COMMD1: variants seen among roughly 807,000 people sequenced by gnomAD.
COMMD1 encodes the protein copper metabolism domain containing 1, also known as COMM domain-containing protein 1.
In COMMD1, 10 loss-of-function variants were observed where a neutral mutation model predicts 17.2. That is an observed-to-expected ratio of 0.58 (90% confidence interval 0.36 to 0.99). The LOEUF is 0.99. Ranked by LOEUF, COMMD1 falls within the 50% of genes least tolerant of loss-of-function variation. The pLI, the probability that COMMD1 is intolerant of heterozygous loss-of-function variation, is 0.01. For synonymous variants in COMMD1, 97 were observed against 91.6 expected (o/e 1.06, Z -0.34); for missense variants, 270 against 231.8 (o/e 1.17, Z -1.07).
chr2:61,978,749 A>G (rs994796232), intron 1 of COMMD1, among the ~76,000 whole-genome samples: 12 of 152,108 alleles, frequency 7.9e-5, no homozygotes, highest in African/African-American at 2.9e-4. Flanking sequence ...GTTCTTCATA[A>G]GCTGTTTTTA....
At chr2:62,044,838 A>T (rs1047192125) in intron 2 of COMMD1, among the ~76,000 whole-genome samples, 9 of 100,732 alleles carry the variant, frequency 8.9e-5, no homozygotes, top group African/African-American at 1.7e-4. Flanking sequence ...CTCCTAACTT[A>T]AAAAAAAAAA....
chr2:61,895,904 T>C (rs1002371114), intron 1 of COMMD1, among the ~76,000 whole-genome samples: 1 of 151,934 alleles, frequency 6.6e-6, no homozygotes, highest in Non-Finnish European at 1.5e-5. Flanking sequence ...AGTCCACCCA[T>C]GGACCAGACA....
At chr2:61,975,299 A>G (rs1245767005) in intron 1 of COMMD1, among the ~76,000 whole-genome samples, 1 of 152,070 alleles carries the variant, frequency 6.6e-6, no homozygotes, top group Non-Finnish European at 1.5e-5. Context: ...ACTTTTGGCA[A>G]TTATGAATAA....
intron 1 of COMMD1, among the ~76,000 whole-genome samples, chr2:61,938,272 T>G (rs1670652541): frequency 7.0e-6 from 1 of 143,002 alleles, no homozygotes; most frequent in African/African-American, 2.8e-5. Flanking sequence ...GCATGCGTAT[T>G]AAGAGACCAA....
At chr2:61,936,365 C>T (rs1314249549) in intron 1 of COMMD1, among the ~76,000 whole-genome samples, 1 of 152,096 alleles carries the variant, frequency 6.6e-6, no homozygotes, top group Non-Finnish European at 1.5e-5. Flanking sequence ...GATTGTGAGC[C>T]TTCAGGGAAG....
At chr2:62,076,058 C>T (rs1671329680) in intron 2 of COMMD1, among the ~76,000 whole-genome samples, 1 of 152,220 alleles carries the variant, frequency 6.6e-6, no homozygotes. Flanking sequence ...GTCTTAGCCA[C>T]CCTGGCTGCA....
At chr2:62,110,383 T>C (rs13402593) in intron 2 of COMMD1, among the ~76,000 whole-genome samples, 37 of 152,332 alleles carry the variant, frequency 2.4e-4, no homozygotes, top group African/African-American at 8.4e-4. Context: ...GGGCAGACAC[T>C]ATTATTTAAA....
intron 1 of COMMD1, among the ~76,000 whole-genome samples, chr2:61,996,546 C>T (rs900886238): frequency 2.0e-5 from 3 of 152,148 alleles, no homozygotes; most frequent in Non-Finnish European, 4.4e-5. Flanking sequence ...ATTTTACCCA[C>T]AGTAGAACCT....
chr2:62,104,242 C>T (rs1051772179), intron 2 of COMMD1, among the ~76,000 whole-genome samples: 1 of 152,124 alleles, frequency 6.6e-6, no homozygotes, highest in Non-Finnish European at 1.5e-5. Context: ...CTTATAATCC[C>T]AACACTTTGG....
intron 2 of COMMD1, chr2:62,118,125 C>A (rs1672653613): frequency 1.3e-5 from 2 of 152,176 alleles, no homozygotes; most frequent in South Asian, 4.1e-4. Context: ...CCCTTAAAAT[C>A]CATTGCATTT....
At chr2:62,116,029 G>A (rs1424651263) in intron 2 of COMMD1, among the ~76,000 whole-genome samples, 1 of 151,694 alleles carries the variant, frequency 6.6e-6, no homozygotes, top group Non-Finnish European at 1.5e-5. Flanking sequence ...GTATTTTTTT[G>A]TAGAGATGGG....
chr2:61,890,156 A>T (rs1669390977), intron 1 of COMMD1, among the ~76,000 whole-genome samples: 1 of 152,224 alleles, frequency 6.6e-6, no homozygotes, highest in Admixed American at 6.5e-5. Flanking sequence ...TGGTAGGTTC[A>T]GAAACAAATG....
chr2:61,998,284 A>C (rs1668823229), intron 1 of COMMD1, among the ~76,000 whole-genome samples: 1 of 132,868 alleles, frequency 7.5e-6, no homozygotes, highest in Admixed American at 8.8e-5. Flanking sequence ...AGAGAGTCTC[A>C]CTCTGTCCTC....
intron 2 of COMMD1, among the ~76,000 whole-genome samples, chr2:62,086,292 G>C (rs1389164179): frequency 6.6e-6 from 1 of 152,146 alleles, no homozygotes; most frequent in African/African-American, 2.4e-5. Flanking sequence ...GGCGGATCAC[G>C]AGGTCAGGAG....
At chr2:62,105,815 C>T (rs1257300494) in intron 2 of COMMD1, among the ~76,000 whole-genome samples, 1 of 152,096 alleles carries the variant, frequency 6.6e-6, no homozygotes, top group African/African-American at 2.4e-5. Flanking sequence ...AAGAGTGAAA[C>T]TCTGTCTCAA....
At chr2:62,094,239 G>A (rs1249507402) in intron 2 of COMMD1, among the ~76,000 whole-genome samples, 2 of 152,178 alleles carry the variant, frequency 1.3e-5, no homozygotes, top group African/African-American at 4.8e-5. Context: ...CAGAAAGCAG[G>A]AGTACCTCAT....
At chr2:61,918,156 C>T (rs1670096594) in intron 1 of COMMD1, among the ~76,000 whole-genome samples, 1 of 152,080 alleles carries the variant, frequency 6.6e-6, no homozygotes, top group African/African-American at 2.4e-5. Context: ...GTTGGCTACT[C>T]AACAATAAAA....
intron 2 of COMMD1, among the ~76,000 whole-genome samples, chr2:62,013,091 G>C (rs560266826): frequency 6.6e-6 from 1 of 152,220 alleles, no homozygotes; most frequent in East Asian, 1.9e-4. Context: ...TAATAGGATT[G>C]CCTTGATTCA....
At chr2:62,015,994 G>A (rs535312789) in intron 2 of COMMD1, among the ~76,000 whole-genome samples, 3 of 151,782 alleles carry the variant, frequency 2.0e-5, no homozygotes, top group Admixed American at 2.0e-4. Context: ...ACCACACCTG[G>A]CTAATTTTTG....
Sources: allele counts gnomAD v4.1 joint callset (sites outside exome capture counted in the v4.1 genomes callset), GRCh38; gene constraint gnomAD v4.1.1; transcripts MANE v1.5; gene names NCBI Gene and HGNC (gene_info 2026-07-23, HGNC 2026-07-21).